The following FER variants were observed in gnomAD, a reference collection of about 807,000 sequenced individuals.
FER encodes the protein tyrosine-protein kinase Fer.
FER carries 63 observed loss-of-function variants against 111.0 expected under a neutral mutation model. That is an observed-to-expected ratio of 0.57 (90% confidence interval 0.46 to 0.70). FER has a LOEUF of 0.70. FER is among the 30% of genes least tolerant of loss of function. The probability of loss-of-function intolerance (pLI) is 0.00; values close to 1 mark genes in which losing one functional copy is unlikely to be tolerated. For synonymous variants in FER, 327 were observed against 313.9 expected, an observed-to-expected ratio of 1.04 and a Z score of -0.44; for missense variants, 914 against 954.0, an observed-to-expected ratio of 0.96 and a Z score of 0.55.
chr5:109,158,480 T>C (rs1755648186), intron 17 of FER, among the ~76,000 whole-genome samples: 1 of 152,076 alleles, frequency 6.6e-6, no homozygotes, highest in African/African-American at 2.4e-5. Flanking sequence ...TAGAAAAAAA[T>C]GATGGCAGGG....
At chr5:108,882,386 G>C (rs1168855802) in intron 8 of FER, among the ~76,000 whole-genome samples, 7 of 151,848 alleles carry the variant, frequency 4.6e-5, no homozygotes, top group Admixed American at 4.6e-4. Context: ...AGTCAGTCTA[G>C]TTATAATAAT....
At chr5:109,151,448 T>G (rs751697230) in intron 17 of FER, among the ~76,000 whole-genome samples, 1 of 152,206 alleles carries the variant, frequency 6.6e-6, no homozygotes, top group East Asian at 1.9e-4. Flanking sequence ...TCACCCAAGG[T>G]AAAAGATGAG....
intron 5 of FER, among the ~76,000 whole-genome samples, chr5:108,860,718 G>A (rs1763432735): frequency 6.6e-6 from 1 of 152,194 alleles, no homozygotes. Flanking sequence ...GTAAAATTGT[G>A]AAATTGAGCA....
At chr5:108,914,731 G>C (rs964999616) in intron 10 of FER, among the ~76,000 whole-genome samples, 1 of 152,194 alleles carries the variant, frequency 6.6e-6, no homozygotes, top group Non-Finnish European at 1.5e-5. Flanking sequence ...CTAGTGAGGG[G>C]CATAGTGCTG....
intron 16 of FER, among the ~76,000 whole-genome samples, chr5:109,094,614 A>G (rs1430452689): frequency 2.0e-5 from 3 of 152,178 alleles, no homozygotes; most frequent in Non-Finnish European, 4.4e-5. Context: ...TGGGCCATAC[A>G]GACTCTGCAG....
chr5:108,899,889 A>G (rs1749761623), intron 10 of FER, among the ~76,000 whole-genome samples: 1 of 152,158 alleles, frequency 6.6e-6, no homozygotes, highest in Non-Finnish European at 1.5e-5. Flanking sequence ...TGAATAGATA[A>G]TGTTTCTGAG....
intron 1 of FER, among the ~76,000 whole-genome samples, chr5:108,762,174 A>G (rs1341828575): frequency 6.6e-6 from 1 of 152,032 alleles, no homozygotes; most frequent in Non-Finnish European, 1.5e-5. Flanking sequence ...CTTGTGGTAT[A>G]ATTTTTTATG....
chr5:108,809,571 T>G (rs1262063430), intron 3 of FER, among the ~76,000 whole-genome samples: 1 of 152,184 alleles, frequency 6.6e-6, no homozygotes, highest in African/African-American at 2.4e-5. Flanking sequence ...TTTTGTTTTG[T>G]TTTGTTTTTT....
At chr5:109,031,890 CA>C (rs1294160618) in intron 13 of FER, among the ~76,000 whole-genome samples, 5 of 152,124 alleles carry the variant, frequency 3.3e-5, no homozygotes, top group African/African-American at 1.2e-4. Context: ...ACATTTTGAA[CA>C]GAGTGTAATC....
intron 17 of FER, among the ~76,000 whole-genome samples, chr5:109,103,045 T>C (rs975002102): frequency 1.3e-5 from 2 of 152,102 alleles, no homozygotes; most frequent in Admixed American, 6.5e-5. Context: ...AGTGAACAGT[T>C]TTTTCCTCAC....
chr5:109,122,621 T>G (rs761402048), intron 17 of FER, among the ~76,000 whole-genome samples: 29 of 151,966 alleles, frequency 1.9e-4, no homozygotes, highest in Non-Finnish European at 3.1e-4. Context: ...CAATGTGTCT[T>G]TGTTCATTTT....
chr5:109,021,510 A>G (rs958021976), intron 13 of FER, among the ~76,000 whole-genome samples: 11 of 152,078 alleles, frequency 7.2e-5, no homozygotes, highest in African/African-American at 2.7e-4. Flanking sequence ...TCTGAATACT[A>G]GAATCTATTA....
intron 2 of FER, among the ~76,000 whole-genome samples, chr5:108,779,084 A>G (rs975794855): frequency 6.7e-6 from 1 of 150,334 alleles, no homozygotes; most frequent in Non-Finnish European, 1.5e-5. Context: ...TCTTGGTTGT[A>G]TTGCTTTCTT....
rs571196789 is a variant in FER, at chr5:108,827,127, G to A, written c.208-5643G>A. Among the ~76,000 whole-genome samples the A allele has an allele frequency of 2.0e-5, 3 of 152,222 alleles. No individual in the cohort carries two copies. The East Asian group carries it at 5.8e-4, about 29-fold the overall frequency. On this transcript the variant is annotated intron_variant, in intron 3 of 19. Coordinates refer to ENST00000281092, the MANE Select transcript of FER (RefSeq NM_005246.4). ...ATGGTTATTGGTCTCTTTGAATTTC[G>A]TACTTGTAAAAGTTGGGATTCCAAC...
intron 17 of FER, among the ~76,000 whole-genome samples, chr5:109,114,125 C>T (rs1749956634): frequency 6.6e-6 from 1 of 152,082 alleles, no homozygotes; most frequent in South Asian, 2.1e-4. Flanking sequence ...TGGGTACTTA[C>T]TTCCCCACTC....
chr5:109,019,725 A>C (rs1289629007), intron 13 of FER, among the ~76,000 whole-genome samples: 1 of 151,738 alleles, frequency 6.6e-6, no homozygotes, highest in African/African-American at 2.4e-5. Context: ...GAGGTCATTC[A>C]TTTCTTCTAG....
Position 109,180,890 on chromosome 5 carries a change from CT to C in FER, c.2193del (p.Asn733IlefsTer24). On this transcript the variant is annotated frameshift_variant, in exon 18 of 20. Transcript: ENST00000281092. LOFTEE classifies it high-confidence loss of function. ...CCCATTAAATGGACAGCACCGGAAG[CT>C]CTTAATTATGGTAAGAATAGACCAC... ...QIPIKWTAPE[A>X]LNYGRYSSES... 1 of 1,607,152 alleles carries C rather than the reference CT, an allele frequency of 6.2e-7. No homozygotes were observed. The highest frequency in any genetic ancestry group is 8.5e-7 in the Non-Finnish European group (1 of 1,177,712).
chr5:108,995,523 T>TGAAAA (rs1199421642), intron 13 of FER, among the ~76,000 whole-genome samples: 2 of 152,110 alleles, frequency 1.3e-5, no homozygotes, highest in Non-Finnish European at 2.9e-5. Flanking sequence ...GGTGTTTGGT[T>TGAAAA]TTCTGTTCTT....
chr5:109,105,641 A>G (rs73215503), intron 17 of FER, among the ~76,000 whole-genome samples: 4,048 of 152,264 alleles, frequency 0.027, 173 homozygotes, highest in African/African-American at 0.09. Context: ...CACCTAAACA[A>G]TTAGTGGCTG....
Sources: gnomAD v4.1 joint callset for allele counts (sites outside exome capture counted in the v4.1 genomes callset) on GRCh38, gnomAD v4.1.1 for gene constraint, MANE v1.5 for transcripts, NCBI Gene and HGNC (gene_info 2026-07-23, HGNC 2026-07-21) for gene names.